OLFM3: variants seen among roughly 807,000 people sequenced by gnomAD.
OLFM3 encodes noelin-3.
A neutral mutation model predicts 48.6 loss-of-function variants in OLFM3; 20 were observed. The ratio of observed to expected loss-of-function variants is 0.41; its 90% CI spans 0.29 to 0.60. The LOEUF (loss-of-function observed/expected upper bound fraction) is 0.60, where lower values mean the gene tolerates loss of function less well. OLFM3 is among the 20% of genes least tolerant of loss of function. OLFM3 has a pLI of 0.28. For missense variants in OLFM3, 437 were observed against 544.3 expected (o/e 0.80, Z 1.96); for synonymous variants, 222 against 198.1 (o/e 1.12, Z -1.01).
intron 1 of OLFM3, among the ~76,000 whole-genome samples, chr1:101,882,321 ATATATATATAATAT>A (rs1657563574): frequency 9.7e-6 from 1 of 103,330 alleles, no homozygotes; most frequent in Non-Finnish European, 2.2e-5. Context: ...AAGTGCATAT[ATATATATATAATAT>A]ATATATATAT....
In OLFM3 at chr1:101,833,152, C is replaced by A. The variant is rs146417555; in HGVS notation, c.217-2325G>T. Among the ~76,000 whole-genome samples, 218 of 152,240 alleles carry A rather than the reference C, an allele frequency of 1.4e-3. 2 individuals are homozygous for A. The South Asian group carries it at 0.024, about 17-fold the overall frequency. ...GGTATTCTGGATAAAGTTAAAATAG[C>A]CTGTCTTTATTTCTGCCTTTGACTC... On this transcript the variant is annotated intron_variant, in intron 2 of 5. Coordinates refer to ENST00000370103, the MANE Select transcript of OLFM3 (RefSeq NM_058170.4).
At chr1:101,875,105 G>C (rs546074899) in intron 1 of OLFM3, among the ~76,000 whole-genome samples, 1 of 152,070 alleles carries the variant, frequency 6.6e-6, no homozygotes, top group African/African-American at 2.4e-5. Flanking sequence ...TAAATTCACT[G>C]TTAATGAAGA....
intron 3 of OLFM3, among the ~76,000 whole-genome samples, chr1:101,828,684 C>G (rs1040943166): frequency 6.6e-6 from 1 of 152,194 alleles, no homozygotes; most frequent in African/African-American, 2.4e-5. Context: ...CCTGTCAACC[C>G]TGACACTCTC....
At position 101,966,970 on chromosome 1, in the gene OLFM3, A is replaced by C. The variant is rs1382740666; in HGVS notation, c.69+29778T>G. ...GAATATCTACTATAGAAATTAGGGC[A>C]AATGTGGTTGTTTCATTAGCATTTT... On this transcript the variant is annotated intron_variant, in intron 1 of 5. Transcript: ENST00000370103. 2.0e-5 allele frequency among the ~76,000 whole-genome samples: 3 copies of C among 152,220 alleles called. No individual in the cohort carries two copies. In the East Asian group the frequency reaches 5.8e-4, roughly 29 times the overall value.
chr1:101,839,959 A>C (rs1010407484), intron 1 of OLFM3, among the ~76,000 whole-genome samples: 1 of 152,134 alleles, frequency 6.6e-6, no homozygotes, highest in Admixed American at 6.5e-5. Context: ...AGAGGAAAAA[A>C]CCTAATAGAA....
chr1:101,810,480 G>C (rs778356731), intron 4 of OLFM3, among the ~76,000 whole-genome samples: 1 of 151,952 alleles, frequency 6.6e-6, no homozygotes, highest in Non-Finnish European at 1.5e-5. Flanking sequence ...CCAGCTACAC[G>C]CATACAATAT....
At chr1:101,893,464 T>C (rs1305304770) in intron 1 of OLFM3, 5 of 280,524 alleles carry the variant, frequency 1.8e-5, no homozygotes, top group Non-Finnish European at 3.7e-5. Flanking sequence ...GAAATTCATA[T>C]TGACAAAAGC....
At chr1:101,929,365 T>A (rs765861579) in intron 1 of OLFM3, among the ~76,000 whole-genome samples, 1 of 152,186 alleles carries the variant, frequency 6.6e-6, no homozygotes, top group Admixed American at 6.5e-5. Flanking sequence ...TTCTTGGATC[T>A]TGATTATTTA....
At chr1:101,861,471 C>T (rs1371966572) in intron 1 of OLFM3, among the ~76,000 whole-genome samples, 1 of 152,222 alleles carries the variant, frequency 6.6e-6, no homozygotes, top group Non-Finnish European at 1.5e-5. Flanking sequence ...ACTACTGTCT[C>T]AGTGAGGCCC....
intron 1 of OLFM3, among the ~76,000 whole-genome samples, chr1:101,960,071 G>A (rs921306662): frequency 1.2e-4 from 19 of 152,036 alleles, no homozygotes; most frequent in African/African-American, 4.6e-4. Context: ...GCAAAACTAT[G>A]TACTAAAAAT....
At chr1:101,822,279 G>T (rs1654645008) in intron 4 of OLFM3, among the ~76,000 whole-genome samples, 1 of 152,072 alleles carries the variant, frequency 6.6e-6, no homozygotes, top group Non-Finnish European at 1.5e-5. Flanking sequence ...TTATAAAATT[G>T]AGCAAATCCC....
chr1:101,846,164 G>T (rs1240371294), intron 1 of OLFM3, among the ~76,000 whole-genome samples: 1 of 152,100 alleles, frequency 6.6e-6, no homozygotes, highest in South Asian at 2.1e-4. Flanking sequence ...TAGAAAGTAG[G>T]GAGGATTAAA....
rs560217644 is a variant in OLFM3, at chr1:101,803,888, T to A, written c.*350A>T. 1.2e-4 allele frequency: 20 copies of A among 160,116 alleles called. No homozygotes were observed. Among genetic ancestry groups the A allele is most frequent in the East Asian group, 7.2e-4 (4 of 5,540 alleles). The allele number at this position is 160,116 out of a possible 1,614,324, so 9.9% of individuals were successfully genotyped here. ...AAAAGACAGTAAAAAATGACAGTTT[T>A]AAAAAAAAAGACATTCGTGCATTTA... On this transcript the variant is annotated 3_prime_UTR_variant, in exon 6 of 6. Coordinates refer to ENST00000370103, the MANE Select transcript of OLFM3 (RefSeq NM_058170.4).
intron 1 of OLFM3, among the ~76,000 whole-genome samples, chr1:101,971,465 C>T (rs1660801841): frequency 6.6e-6 from 1 of 152,126 alleles, no homozygotes; most frequent in Non-Finnish European, 1.5e-5. Flanking sequence ...TTCTGGTAAA[C>T]TCATGTTCTT....
At chr1:101,864,114 A>C (rs1182421064) in intron 1 of OLFM3, among the ~76,000 whole-genome samples, 1 of 152,022 alleles carries the variant, frequency 6.6e-6, no homozygotes, top group African/African-American at 2.4e-5. Flanking sequence ...TAACAACTTC[A>C]GTTGTTACTG....
chr1:101,899,967 G>T (rs1172764552), intron 1 of OLFM3, among the ~76,000 whole-genome samples: 1 of 151,960 alleles, frequency 6.6e-6, no homozygotes, highest in Non-Finnish European at 1.5e-5. Flanking sequence ...ACCCTTTTCT[G>T]TCATATTATT....
At chr1:101,908,126 G>A (rs997054145) in intron 1 of OLFM3, among the ~76,000 whole-genome samples, 2 of 151,974 alleles carry the variant, frequency 1.3e-5, no homozygotes, top group East Asian at 1.9e-4. Context: ...CCATAATTTC[G>A]TTTAATGATA....
At chr1:101,964,260 T>C (rs1399374552) in intron 1 of OLFM3, among the ~76,000 whole-genome samples, 1 of 152,064 alleles carries the variant, frequency 6.6e-6, no homozygotes, top group Non-Finnish European at 1.5e-5. Context: ...GAAAAGCATG[T>C]TGGGAAACGT....
At chr1:101,829,915 AG>A in intron 3 of OLFM3, among the ~76,000 whole-genome samples, 1 of 151,836 alleles carries the variant, frequency 6.6e-6, no homozygotes, top group Non-Finnish European at 1.5e-5. Flanking sequence ...GCTCACTGCA[AG>A]CTCCGCCTCC....
Sources: allele counts gnomAD v4.1 joint callset (sites outside exome capture counted in the v4.1 genomes callset), GRCh38; gene constraint gnomAD v4.1.1; transcripts MANE v1.5; gene names NCBI Gene and HGNC (gene_info 2026-07-23, HGNC 2026-07-21).